MYT1L: variants seen among roughly 807,000 people sequenced by gnomAD.
The protein encoded by MYT1L is myelin transcription factor 1-like protein.
MYT1L carries 12 observed loss-of-function variants against 126.7 expected under a neutral mutation model. The observed-to-expected ratio is 0.09, with a 90% CI of 0.06 to 0.15. The LOEUF (loss-of-function observed/expected upper bound fraction) is 0.15. Ranked by LOEUF, MYT1L falls within the 10% of genes least tolerant of loss-of-function variation. MYT1L has a pLI of 1.00. For synonymous variants in MYT1L, 541 were observed against 604.2 expected (o/e 0.90, Z 1.53); for missense variants, 979 against 1,585.2 (o/e 0.62, Z 6.49).
chr2:1,892,824 C>G (rs576431770), intron 14 of MYT1L, among the ~76,000 whole-genome samples: 1 of 152,236 alleles, frequency 6.6e-6, no homozygotes, highest in African/African-American at 2.4e-5. Context: ...CCGGCAGCCA[C>G]CTTCTGGGCC....
At chr2:1,983,931 T>A (rs1008904691) in intron 5 of MYT1L, among the ~76,000 whole-genome samples, 26 of 152,216 alleles carry the variant, frequency 1.7e-4, no homozygotes, top group African/African-American at 6.3e-4. Context: ...TAGCAGTAAT[T>A]CTTTTTATTT....
chr2:2,253,777 G>A (rs933659367), intron 2 of MYT1L, among the ~76,000 whole-genome samples: 239 of 149,046 alleles, frequency 1.6e-3, no homozygotes, highest in Non-Finnish European at 2.2e-3. Context: ...AACAGGAAGC[G>A]GGGCAGGAGG....
At chr2:2,198,192 C>T (rs759389085) in intron 2 of MYT1L, among the ~76,000 whole-genome samples, 50 of 152,004 alleles carry the variant, frequency 3.3e-4, no homozygotes, top group Non-Finnish European at 7.2e-4. Flanking sequence ...TGATTTCATT[C>T]ATACATAGAG....
At chr2:2,317,018 C>G (rs937775564) in intron 1 of MYT1L, among the ~76,000 whole-genome samples, 3 of 151,778 alleles carry the variant, frequency 2.0e-5, no homozygotes, top group Non-Finnish European at 4.4e-5. Flanking sequence ...GGAGTTTAAC[C>G]GTGTTAGCCA....
intron 18 of MYT1L, among the ~76,000 whole-genome samples, chr2:1,879,897 G>A (rs1034288982): frequency 1.6e-4 from 24 of 152,182 alleles, no homozygotes; most frequent in African/African-American, 5.1e-4. Flanking sequence ...AGTAGTTTCT[G>A]ATGTTTGTAT....
At chr2:1,972,364 G>C (rs1238289134) in intron 8 of MYT1L, among the ~76,000 whole-genome samples, 8 of 150,274 alleles carry the variant, frequency 5.3e-5, no homozygotes, top group Admixed American at 5.3e-4. Flanking sequence ...AGAAAAAAAT[G>C]CAATTATTTT....
chr2:2,154,291 A>G (rs1294400235), intron 3 of MYT1L, among the ~76,000 whole-genome samples: 2 of 152,178 alleles, frequency 1.3e-5, no homozygotes, highest in Non-Finnish European at 2.9e-5. Context: ...AATGATACCT[A>G]GGTTAATGAA....
intron 2 of MYT1L, among the ~76,000 whole-genome samples, chr2:2,239,123 T>C (rs1359502136): frequency 6.6e-6 from 1 of 152,234 alleles, no homozygotes; most frequent in African/African-American, 2.4e-5. Flanking sequence ...CAATGGCAAT[T>C]CGAAACTAGC....
intron 13 of MYT1L, among the ~76,000 whole-genome samples, chr2:1,905,139 A>G (rs1456669620): frequency 6.6e-6 from 1 of 152,012 alleles, no homozygotes; most frequent in Non-Finnish European, 1.5e-5. Context: ...TCCTTTTTCA[A>G]AAAAATACTT....
chr2:2,059,891 G>A lies in MYT1L; in HGVS notation c.-303-5768C>T, dbSNP rs1181855174. 6.6e-6 allele frequency among the ~76,000 whole-genome samples: 1 copy of A among 152,156 alleles called. No individual in the cohort carries two copies. The highest frequency in any genetic ancestry group is 1.5e-5 in the Non-Finnish European group (1 of 68,040). ...TTATGGTTTTCTCTTGACTCTGTCA[G>A]AGAATTTAGCATACCATGCTGTAAC... On this transcript the variant is annotated intron_variant, in intron 3 of 24. Transcript: ENST00000647738. The surrounding 1 kb of genome is among the most constrained non-coding windows in gnomAD (Gnocchi z 4.7).
Position 2,104,963 on chromosome 2 carries a change from T to C in MYT1L, c.-303-50840A>G, listed in dbSNP as rs1046334392. 2.6e-5 allele frequency among the ~76,000 whole-genome samples: 4 copies of C among 152,188 alleles called. No individual in the cohort carries two copies. In the East Asian group the frequency reaches 7.7e-4, roughly 29 times the overall value. On this transcript the variant is annotated intron_variant, in intron 3 of 24. Coordinates refer to ENST00000647738, the MANE Select transcript of MYT1L (RefSeq NM_001303052.2). ...GTCACTCAGCCCAATGAGAAAATAC[T>C]CCAGTTGGACACATTACATTACTAC...
chr2:2,202,039 T>C (rs981639987), intron 2 of MYT1L, among the ~76,000 whole-genome samples: 1 of 151,976 alleles, frequency 6.6e-6, no homozygotes, highest in Non-Finnish European at 1.5e-5. Context: ...CATAACGAAA[T>C]AAAGGCAGAA....
intron 3 of MYT1L, among the ~76,000 whole-genome samples, chr2:2,170,971 G>A (rs2089972992): frequency 6.6e-6 from 1 of 152,178 alleles, no homozygotes; most frequent in South Asian, 2.1e-4. Context: ...TGTGCGTCTT[G>A]CTCTTATTAT....
chr2:1,998,380 C>A (rs1162741926), intron 4 of MYT1L, among the ~76,000 whole-genome samples: 1 of 152,100 alleles, frequency 6.6e-6, no homozygotes, highest in Non-Finnish European at 1.5e-5. Flanking sequence ...GAAACCAGAG[C>A]GTAGAGTTAA....
At chr2:1,947,182 G>A (rs1416230635) in intron 8 of MYT1L, among the ~76,000 whole-genome samples, 1 of 152,096 alleles carries the variant, frequency 6.6e-6, no homozygotes, top group African/African-American at 2.4e-5. Context: ...TTGGCTTGGT[G>A]CTATTCAGTG....
At chr2:2,311,757 C>T (rs77353199) in intron 1 of MYT1L, among the ~76,000 whole-genome samples, 1,927 of 152,298 alleles carry the variant, frequency 0.013, 35 homozygotes, top group African/African-American at 0.035. Flanking sequence ...CCACCCACGC[C>T]AGGCCCTCGT....
intron 4 of MYT1L, among the ~76,000 whole-genome samples, chr2:2,039,500 G>C (rs1428846420): frequency 6.6e-6 from 1 of 152,148 alleles, no homozygotes; most frequent in Non-Finnish European, 1.5e-5. Context: ...TCCGTTTCCT[G>C]ACTGTTAGGG....
chr2:2,092,307 G>GA (rs897073124), intron 3 of MYT1L, among the ~76,000 whole-genome samples: 1 of 28,436 alleles, frequency 3.5e-5, no homozygotes, highest in Admixed American at 3.3e-4. Context: ...CAGTTTAGAA[G>GA]GGGGAGATAG....
chr2:1,823,644 T>C (rs1572571245), intron 21 of MYT1L, among the ~76,000 whole-genome samples: 3 of 150,542 alleles, frequency 2.0e-5, no homozygotes, highest in East Asian at 1.9e-4. Flanking sequence ...GTCGTGCTCC[T>C]GGGAGGAGCA....
Sources: gnomAD v4.1 joint callset for allele counts (sites outside exome capture counted in the v4.1 genomes callset) on GRCh38, gnomAD v4.1.1 for gene constraint, Gnocchi (gnomAD v3.1) non-coding constraint, MANE v1.5 for transcripts, NCBI Gene and HGNC (gene_info 2026-07-23, HGNC 2026-07-21) for gene names.